Variants in MCUB observed in about 807,000 individuals in gnomAD.
The protein encoded by MCUB is mitochondrial calcium uniporter dominant negative subunit beta, also known as calcium uniporter regulatory subunit MCUb, mitochondrial.
A neutral mutation model predicts 41.4 loss-of-function variants in MCUB; 46 were observed. That is an observed-to-expected ratio of 1.11 (90% CI 0.88 to 1.42). The LOEUF is 1.42. MCUB is among the 40% of genes most tolerant of loss of function. The pLI, the probability that MCUB is intolerant of heterozygous loss-of-function variation, is 0.00. For synonymous variants in MCUB, 148 were observed against 148.2 expected (o/e 1.00, Z 0.01); for missense variants, 403 against 404.9 (o/e 1.00, Z 0.04).
intron 2 of MCUB, among the ~76,000 whole-genome samples, 192 bp from the exon 3 acceptor site, chr4:109,660,003 C>T (rs1378065143): frequency 6.6e-6 from 1 of 152,062 alleles, no homozygotes; most frequent in African/African-American, 2.4e-5. Context: ...ATGTGCTACA[C>T]TAAAATGTTA....
intron 1 of MCUB, among the ~76,000 whole-genome samples, chr4:109,596,885 C>T (rs1243480239): frequency 1.3e-5 from 2 of 151,476 alleles, no homozygotes; most frequent in East Asian, 1.9e-4. Flanking sequence ...TGCGGCCTTC[C>T]GCAGTGTTTG....
intron 1 of MCUB, among the ~76,000 whole-genome samples, chr4:109,577,102 T>C (rs1727048296): frequency 6.6e-6 from 1 of 152,202 alleles, no homozygotes; most frequent in Admixed American, 6.5e-5. Context: ...TCTGCCTGCC[T>C]CCGCCTCCCA....
chr4:109,662,850 G>A (rs992840023), intron 3 of MCUB, among the ~76,000 whole-genome samples: 10 of 151,954 alleles, frequency 6.6e-5, no homozygotes, highest in Non-Finnish European at 1.3e-4. Context: ...AGACTCTGTG[G>A]GTGGAATTTG....
At chr4:109,665,482 C>CA (rs1729324437) in intron 4 of MCUB, among the ~76,000 whole-genome samples, 1 of 152,020 alleles carries the variant, frequency 6.6e-6, no homozygotes, top group Admixed American at 6.6e-5. Flanking sequence ...TAGGGCCAGG[C>CA]AAACTCTACC....
chr4:109,583,312 T>A (rs566153181), intron 1 of MCUB, among the ~76,000 whole-genome samples: 1 of 152,296 alleles, frequency 6.6e-6, no homozygotes, highest in Non-Finnish European at 1.5e-5. Flanking sequence ...GGTACTTTAT[T>A]CTCTTTGAAG....
intron 1 of MCUB, among the ~76,000 whole-genome samples, chr4:109,604,394 T>A (rs553959707): frequency 3.6e-3 from 542 of 149,434 alleles, no homozygotes; most frequent in African/African-American, 7.5e-3. Context: ...TAAAAAAATT[T>A]AAAAAAAAAA....
At chr4:109,567,786 C>G (rs930562597) in intron 1 of MCUB, among the ~76,000 whole-genome samples, 2 of 152,090 alleles carry the variant, frequency 1.3e-5, no homozygotes, top group African/African-American at 4.8e-5. Context: ...GCAACCTCCA[C>G]CTCCCGGGTT....
chr4:109,560,369 C>G lies in MCUB; in HGVS notation c.32C>G (p.Thr11Arg). 2 of 1,324,652 alleles carry G rather than the reference C, an allele frequency of 1.5e-6. No individual in the cohort carries two copies. Among genetic ancestry groups the G allele is most frequent in the Non-Finnish European group, 1.9e-6 (2 of 1,037,808 alleles). 82.1% of individuals were successfully genotyped at this position (1,324,652 alleles called of 1,614,324 possible). ...CAGAGGGGCCTCTGGCCGTGGCGCA[C>G]GCGGCTGCTGCCGACCCCTGGCACC... Reference protein sequence around the residue: MLQRGLWPWRTRLLPTPGTWR... With the variant: MLQRGLWPWRRRLLPTPGTWR... The change falls in exon 1 of 8, where the codon ACG (threonine) becomes AGG (arginine). Residue 11 changes from threonine (T) to arginine (R), a missense_variant. By Grantham distance (71) the Thr-to-Arg change is moderately conservative. Coordinates refer to ENST00000394650, the MANE Select transcript of MCUB (RefSeq NM_017918.5).
chr4:109,595,514 G>T (rs1330716843), intron 1 of MCUB, among the ~76,000 whole-genome samples: 1 of 152,090 alleles, frequency 6.6e-6, no homozygotes, highest in African/African-American at 2.4e-5. Flanking sequence ...TACAATTATG[G>T]TGATGATGAG....
intron 1 of MCUB, among the ~76,000 whole-genome samples, chr4:109,629,865 C>A (rs1448366070): frequency 1.3e-5 from 2 of 152,150 alleles, no homozygotes; most frequent in Non-Finnish European, 2.9e-5. Flanking sequence ...ATTCATTAAA[C>A]GTTTGGCCAT....
At chr4:109,678,821 G>T (rs1364813171) in intron 4 of MCUB, among the ~76,000 whole-genome samples, 1 of 147,734 alleles carries the variant, frequency 6.8e-6, no homozygotes. Context: ...ATTCCCAGAC[G>T]GGGCAGCTGG....
At chr4:109,631,675 C>A (rs2126138178) in intron 1 of MCUB, among the ~76,000 whole-genome samples, 1 of 152,318 alleles carries the variant, frequency 6.6e-6, no homozygotes, top group Middle Eastern at 3.4e-3. Flanking sequence ...ACTCTGTCAA[C>A]ATTTCTCCTT....
At chr4:109,637,553 A>G (rs1728621936) in intron 1 of MCUB, among the ~76,000 whole-genome samples, 1 of 152,238 alleles carries the variant, frequency 6.6e-6, no homozygotes, top group Non-Finnish European at 1.5e-5. Context: ...CACACACACA[A>G]TGGAATATTA....
intron 1 of MCUB, among the ~76,000 whole-genome samples, chr4:109,641,394 G>A (rs1357533259): frequency 2.0e-5 from 3 of 151,516 alleles, no homozygotes; most frequent in East Asian, 1.9e-4. Context: ...GTGAGTCACC[G>A]CACCCGGCCT....
intron 1 of MCUB, among the ~76,000 whole-genome samples, chr4:109,628,002 C>T (rs992075705): frequency 1.4e-4 from 21 of 151,526 alleles, no homozygotes; most frequent in Non-Finnish European, 2.5e-4. Context: ...ACATATAAGT[C>T]ATTTGTTTTC....
intron 1 of MCUB, among the ~76,000 whole-genome samples, chr4:109,569,469 TG>T (rs1267908637): frequency 2.7e-5 from 4 of 150,826 alleles, no homozygotes; most frequent in African/African-American, 9.7e-5. Context: ...AAGGACTGCC[TG>T]GCATATAAGT....
chr4:109,581,498 C>A (rs182044), intron 1 of MCUB, among the ~76,000 whole-genome samples: 89,218 of 151,872 alleles, frequency 0.59, 26,481 homozygotes, highest in South Asian at 0.67. Context: ...TAAAACACCA[C>A]AGGCAATGGC....
intron 1 of MCUB, among the ~76,000 whole-genome samples, chr4:109,563,878 C>T (rs942122917): frequency 6.6e-6 from 1 of 151,690 alleles, no homozygotes; most frequent in Non-Finnish European, 1.5e-5. Flanking sequence ...TGAGCCACCG[C>T]GCCCAGCCCA....
At chr4:109,565,272 C>T (rs975221505) in intron 1 of MCUB, among the ~76,000 whole-genome samples, 2 of 152,190 alleles carry the variant, frequency 1.3e-5, no homozygotes, top group Non-Finnish European at 2.9e-5. Context: ...TGATCCTCAG[C>T]GTTCTGACAG....
Sources: allele counts gnomAD v4.1 joint callset (sites outside exome capture counted in the v4.1 genomes callset), GRCh38; gene constraint gnomAD v4.1.1; transcripts MANE v1.5; gene names NCBI Gene and HGNC (gene_info 2026-07-23, HGNC 2026-07-21).